The following TAB2 variants were observed in gnomAD, a reference collection of about 807,000 sequenced individuals.
The protein encoded by TAB2 is TGF-beta activated kinase 1 (MAP3K7) binding protein 2.
A neutral mutation model predicts 65.0 loss-of-function variants in TAB2; 3 were observed. The observed-to-expected ratio is 0.05, with a 90% CI of 0.02 to 0.12. The LOEUF (loss-of-function observed/expected upper bound fraction) is 0.12. TAB2 is among the 10% of genes least tolerant of loss of function. The pLI is 1.00. For missense variants in TAB2, 623 were observed against 840.3 expected (o/e 0.74, Z 3.20); for synonymous variants, 298 against 285.1 (o/e 1.05, Z -0.46).
intron 1 of TAB2, among the ~76,000 whole-genome samples, chr6:149,359,558 C>T (rs1159458509): frequency 6.6e-6 from 1 of 152,160 alleles, no homozygotes; most frequent in African/African-American, 2.4e-5. Context: ...CTTTATGCAA[C>T]TATTTCATTT....
intron 1 of TAB2, chr6:149,221,395 G>T (rs1260420785): frequency 1.3e-5 from 2 of 152,208 alleles, no homozygotes; most frequent in Non-Finnish European, 2.9e-5. Context: ...GCCTTGACTT[G>T]TCCTAAAACA....
intron 1 of TAB2, among the ~76,000 whole-genome samples, chr6:149,258,953 G>A (rs1421883504): frequency 6.6e-6 from 1 of 152,146 alleles, no homozygotes; most frequent in African/African-American, 2.4e-5. Context: ...CCCACTGCTG[G>A]CTTTGAAAAT....
At chr6:149,357,643 T>G (rs1780708335) in intron 1 of TAB2, among the ~76,000 whole-genome samples, 1 of 152,156 alleles carries the variant, frequency 6.6e-6, no homozygotes, top group African/African-American at 2.4e-5. Flanking sequence ...TTTAACTTGT[T>G]TCTGAATTTG....
chr6:149,292,070 A>G (rs1778788829), intron 1 of TAB2, among the ~76,000 whole-genome samples: 1 of 152,218 alleles, frequency 6.6e-6, no homozygotes, highest in Admixed American at 6.5e-5. Context: ...AACATTCATT[A>G]AAATTTTTGC....
intron 1 of TAB2, among the ~76,000 whole-genome samples, chr6:149,358,279 C>T (rs995787425): frequency 5.3e-5 from 8 of 152,156 alleles, no homozygotes; most frequent in Admixed American, 5.2e-4. Flanking sequence ...TCATATCCAC[C>T]TTAATACGCA....
intron 1 of TAB2, among the ~76,000 whole-genome samples, chr6:149,338,549 T>C (rs182179935): frequency 1.9e-4 from 29 of 152,288 alleles, no homozygotes; most frequent in African/African-American, 6.7e-4. Context: ...GAAACTAGTA[T>C]TGGAAGAGTT....
intron 1 of TAB2, among the ~76,000 whole-genome samples, chr6:149,325,746 T>C (rs534552393): frequency 6.6e-5 from 10 of 152,290 alleles, no homozygotes; most frequent in Non-Finnish European, 1.0e-4. Context: ...TTTTCTGTTA[T>C]GTTTATGTTT....
At chr6:149,374,713 C>A (rs895150840) in intron 2 of TAB2, among the ~76,000 whole-genome samples, 2 of 152,172 alleles carry the variant, frequency 1.3e-5, no homozygotes, top group African/African-American at 4.8e-5. Context: ...TATGATTTGA[C>A]AGTGGATGTC....
In TAB2 at chr6:149,249,019, C is replaced by T. The variant is rs190546405; in HGVS notation, c.-121+30243C>T. On this transcript the variant is annotated intron_variant, in intron 1 of 1. Coordinates refer to the TAB2 transcript ENST00000606202. Reference sequence around the variant, plus strand: ...AGGAGTGATGGTGGACACAGCCATGCTTGCAAGATTCCTTCCTATATTTTA... The same window carrying T: ...AGGAGTGATGGTGGACACAGCCATGTTTGCAAGATTCCTTCCTATATTTTA... Among the ~76,000 whole-genome samples, 201 of 150,962 alleles carry T rather than the reference C, an allele frequency of 1.3e-3. 3 individuals are homozygous for T. Among genetic ancestry groups the T allele is most frequent in the Non-Finnish European group, 2.7e-4 (18 of 67,718 alleles).
In TAB2 at chr6:149,294,637, T is replaced by C. The variant is rs1778842864; in HGVS notation, c.-121+75861T>C. Among the ~76,000 whole-genome samples, 4 of 152,250 alleles carry C rather than the reference T, an allele frequency of 2.6e-5. No individual in the cohort carries two copies. In the South Asian group the frequency reaches 8.3e-4, roughly 31 times the overall value. On this transcript the variant is annotated intron_variant, in intron 1 of 1. Coordinates refer to the TAB2 transcript ENST00000606202. ...TTCCTCCTATCTAATTCCACGGTCA[T>C]GTATAGTTTTGTATCACTTTATAAC...
chr6:149,290,118 C>A (rs1045661010), intron 1 of TAB2, among the ~76,000 whole-genome samples: 1 of 152,170 alleles, frequency 6.6e-6, no homozygotes, highest in African/African-American at 2.4e-5. Context: ...TTCTGTCAGT[C>A]TTAAGTTCTC....
chr6:149,225,577 GA>G (rs1299176748), intron 1 of TAB2, among the ~76,000 whole-genome samples: 1 of 152,124 alleles, frequency 6.6e-6, no homozygotes, highest in African/African-American at 2.4e-5. Context: ...GACAGTTGGG[GA>G]ACTCCCTTTG....
chr6:149,379,427 G>A lies in TAB2; in HGVS notation c.1512G>A (p.Gln504=), dbSNP rs773739464. 3 of 1,614,042 alleles carry A rather than the reference G, an allele frequency of 1.9e-6. No homozygotes were observed. The highest frequency in any genetic ancestry group is 2.5e-6 in the Non-Finnish European group (3 of 1,179,996). The change falls in exon 3 of 7, where the codon CAG becomes CAA. Residue 504 remains glutamine (Q), a synonymous_variant. Coordinates refer to ENST00000637181, the MANE Select transcript of TAB2 (RefSeq NM_001292034.3). ...PDHYVETENI[Q]HLTDPTLAHV... The stretch of plus-strand genomic sequence containing the variant: ...ATTATGTAGAAACCGAGAATATTCA[G>A]CACCTCACGGACCCTACATTAGCAC...
At chr6:149,262,056 G>T (rs1778162905) in intron 1 of TAB2, among the ~76,000 whole-genome samples, 1 of 152,200 alleles carries the variant, frequency 6.6e-6, no homozygotes. Flanking sequence ...ATGTTTACCA[G>T]GGAATTGTGA....
rs181149205 is a variant in TAB2, at chr6:149,275,214, C to T, written c.-121+56438C>T. ...TCACTGAGCCTTGAACTCCCTTGGG[C>T]GGGGGAGGGGGGAGAGAGAGAGAAA... On this transcript the variant is annotated intron_variant, in intron 1 of 1. Transcript: ENST00000606202. 1.8e-4 allele frequency among the ~76,000 whole-genome samples: 16 copies of T among 89,102 alleles called. No homozygotes were observed. In the East Asian group the frequency reaches 3.2e-3, roughly 18 times the overall value. The allele number at this position is 89,102 out of a possible 152,430, so 58.5% of individuals were successfully genotyped here.
At chr6:149,398,183 C>T in intron 5 of TAB2, 121 bp downstream of exon 5, 2 of 828,000 alleles carry the variant, frequency 2.4e-6, no homozygotes, top group Admixed American at 4.2e-5. Context: ...GGCTTTGGAG[C>T]CAGACAGACT....
intron 6 of TAB2, among the ~76,000 whole-genome samples, chr6:149,406,657 C>A (rs1782674418): frequency 6.6e-6 from 1 of 152,132 alleles, no homozygotes; most frequent in South Asian, 2.1e-4. Flanking sequence ...AGAATTTTCA[C>A]ATTCTCCTTT....
intron 1 of TAB2, among the ~76,000 whole-genome samples, chr6:149,223,218 A>G (rs1426734508): frequency 6.6e-6 from 1 of 152,206 alleles, no homozygotes; most frequent in Non-Finnish European, 1.5e-5. Context: ...CACCAGCTCT[A>G]TTTTATTACA....
chr6:149,313,104 C>T (rs62426061), upstream of TAB2, among the ~76,000 whole-genome samples: 2,500 of 152,156 alleles, frequency 0.016, 36 homozygotes, highest in Non-Finnish European at 0.027. Context: ...AGATTACCAT[C>T]CTCAATCTTT....
Sources: allele counts gnomAD v4.1 joint callset (sites outside exome capture counted in the v4.1 genomes callset), GRCh38; gene constraint gnomAD v4.1.1; transcripts MANE v1.5; gene names NCBI Gene and HGNC (gene_info 2026-07-23, HGNC 2026-07-21).